NRXN3: variants seen among roughly 807,000 people sequenced by gnomAD.
NRXN3 encodes the protein neurexin III.
NRXN3 carries 32 observed loss-of-function variants against 137.6 expected under a neutral mutation model. That is an observed-to-expected ratio of 0.23 (90% confidence interval 0.18 to 0.31). The LOEUF (loss-of-function observed/expected upper bound fraction) is 0.31. Ranked by LOEUF, NRXN3 falls within the 10% of genes least tolerant of loss-of-function variation. The pLI is 1.00. For synonymous variants in NRXN3, 798 were observed against 784.5 expected, an observed-to-expected ratio of 1.02 and a Z score of -0.29; for missense variants, 1,574 against 2,062.5, an observed-to-expected ratio of 0.76 and a Z score of 4.59.
chr14:79,572,358 A>G (rs1459120849), intron 16 of NRXN3, among the ~76,000 whole-genome samples: 1 of 152,190 alleles, frequency 6.6e-6, no homozygotes, highest in African/African-American at 2.4e-5. Context: ...TGGAATGTTT[A>G]GTTTATTTGC....
intron 20 of NRXN3, among the ~76,000 whole-genome samples, chr14:79,849,089 G>A (rs113840163): frequency 2.5e-4 from 38 of 152,160 alleles, no homozygotes; most frequent in Admixed American, 5.9e-4. Flanking sequence ...ACTCTGCCTC[G>A]ATAACAAATT....
intron 15 of NRXN3, among the ~76,000 whole-genome samples, chr14:79,172,567 A>C (rs995915897): frequency 1.3e-5 from 2 of 152,190 alleles, no homozygotes; most frequent in African/African-American, 4.8e-5. Flanking sequence ...CTAGGAGTAC[A>C]TTTAACAAGA....
chr14:78,255,810 G>A (rs774461167), intron 2 of NRXN3, among the ~76,000 whole-genome samples: 4 of 152,232 alleles, frequency 2.6e-5, no homozygotes, highest in Non-Finnish European at 4.4e-5. Context: ...GTGCACATAT[G>A]TGTCTGTATT....
intron 6 of NRXN3, among the ~76,000 whole-genome samples, chr14:78,705,866 C>T (rs968214101): frequency 6.6e-6 from 1 of 152,192 alleles, no homozygotes; most frequent in African/African-American, 2.4e-5. Flanking sequence ...CTCAAAGAGC[C>T]TTTGAGAGAA....
At chr14:78,640,991 T>A (rs1389561227) in intron 4 of NRXN3, among the ~76,000 whole-genome samples, 1 of 152,230 alleles carries the variant, frequency 6.6e-6, no homozygotes, top group Admixed American at 6.5e-5. Flanking sequence ...ATCCCCTGCA[T>A]TCATTTTCTC....
chr14:78,435,362 A>G lies in NRXN3; in HGVS notation c.757+137502A>G, dbSNP rs532175866. ...TATTAGTCCTTATTTCCTTTTTACCAGGTAGATTGTTACCTTCATTTCACA... is the reference window on the plus strand; with the variant it reads ...TATTAGTCCTTATTTCCTTTTTACCGGGTAGATTGTTACCTTCATTTCACA... On this transcript the variant is annotated intron_variant, in intron 4 of 20. Transcript: ENST00000335750. 1.1e-4 allele frequency among the ~76,000 whole-genome samples: 17 copies of G among 152,214 alleles called. No individual in the cohort carries two copies. The South Asian group carries it at 2.7e-3, about 24-fold the overall frequency.
chr14:78,802,505 C>T (rs2098842354), intron 8 of NRXN3, among the ~76,000 whole-genome samples: 2 of 152,152 alleles, frequency 1.3e-5, no homozygotes, highest in Non-Finnish European at 2.9e-5. Context: ...GCACGTTGTG[C>T]ACATGTACCC....
At chr14:79,210,392 A>G (rs371276410) in intron 15 of NRXN3, among the ~76,000 whole-genome samples, 6 of 152,290 alleles carry the variant, frequency 3.9e-5, no homozygotes, top group African/African-American at 1.2e-4. Flanking sequence ...TGTTGAATAA[A>G]TGAACAAGAT....
intron 19 of NRXN3, among the ~76,000 whole-genome samples, chr14:79,728,518 T>A (rs1441967642): frequency 6.6e-6 from 1 of 152,214 alleles, no homozygotes; most frequent in Admixed American, 6.5e-5. Flanking sequence ...AGTGGGTGCC[T>A]TTGAAAGGCA....
At chr14:78,356,298 A>G (rs1237333218) in intron 4 of NRXN3, among the ~76,000 whole-genome samples, 1 of 152,152 alleles carries the variant, frequency 6.6e-6, no homozygotes. Context: ...CTTGACAACT[A>G]GTCCAGCTTG....
intron 1 of NRXN3, among the ~76,000 whole-genome samples, chr14:78,182,838 C>A (rs890716373): frequency 2.0e-5 from 3 of 151,606 alleles, no homozygotes; most frequent in African/African-American, 7.3e-5. Context: ...CCTTTTTTTG[C>A]AGGTGAGAAA....
At chr14:79,031,278 A>G (rs1244109156) in intron 15 of NRXN3, among the ~76,000 whole-genome samples, 3 of 152,182 alleles carry the variant, frequency 2.0e-5, no homozygotes, top group Non-Finnish European at 2.9e-5. Context: ...TTAAATATTT[A>G]GCCTTTTGTT....
At chr14:78,199,804 C>T (rs1009464957) in intron 1 of NRXN3, among the ~76,000 whole-genome samples, 50 of 152,302 alleles carry the variant, frequency 3.3e-4, no homozygotes, top group African/African-American at 1.0e-3. Context: ...CCTGCTGATG[C>T]GAGCAGCTGC....
intron 15 of NRXN3, among the ~76,000 whole-genome samples, chr14:79,061,605 G>A (rs551215890): frequency 1.4e-4 from 21 of 152,270 alleles, no homozygotes; most frequent in Non-Finnish European, 2.8e-4. Flanking sequence ...GCACTGCAGT[G>A]GAATGCTGTG....
At chr14:78,333,865 G>A (rs1441959369) in intron 4 of NRXN3, among the ~76,000 whole-genome samples, 1 of 152,116 alleles carries the variant, frequency 6.6e-6, no homozygotes, top group African/African-American at 2.4e-5. Flanking sequence ...GCTGCAGCAG[G>A]GCCATTTGGG....
At chr14:78,851,224 T>C (rs1022408097) in intron 10 of NRXN3, among the ~76,000 whole-genome samples, 19 of 152,124 alleles carry the variant, frequency 1.2e-4, no homozygotes, top group African/African-American at 4.6e-4. Context: ...TACTGGTAAA[T>C]GTTTAATTTT....
intron 4 of NRXN3, among the ~76,000 whole-genome samples, chr14:78,405,426 G>A (rs2092411859): frequency 6.6e-6 from 1 of 152,128 alleles, no homozygotes; most frequent in Non-Finnish European, 1.5e-5. Context: ...GAATCAGGAA[G>A]ATCATATTTC....
chr14:79,431,959 T>C (rs2095763381), intron 15 of NRXN3, among the ~76,000 whole-genome samples: 1 of 152,172 alleles, frequency 6.6e-6, no homozygotes, highest in African/African-American at 2.4e-5. Context: ...CTTGCTTTTC[T>C]CCCTACTACA....
chr14:79,800,715 T>C (rs1436680340), intron 19 of NRXN3, among the ~76,000 whole-genome samples: 1 of 152,144 alleles, frequency 6.6e-6, no homozygotes, highest in African/African-American at 2.4e-5. Flanking sequence ...AGGTTCAACA[T>C]CAGATCCTGC....
Sources: gnomAD v4.1 joint callset for allele counts (sites outside exome capture counted in the v4.1 genomes callset) on GRCh38, gnomAD v4.1.1 for gene constraint, MANE v1.5 for transcripts, NCBI Gene and HGNC (gene_info 2026-07-23, HGNC 2026-07-21) for gene names.